PARD3: variants seen among roughly 807,000 people sequenced by gnomAD.
PARD3 encodes the protein par-3 family cell polarity regulator.
In PARD3, 75 loss-of-function variants were observed where a neutral mutation model predicts 155.4. The observed-to-expected ratio is 0.48, with a 90% CI of 0.40 to 0.58. PARD3 has a LOEUF of 0.58. Among genes scored for constraint, PARD3 ranks in the 20% least tolerant of loss-of-function variants. The pLI, the probability that PARD3 is intolerant of heterozygous loss-of-function variation, is 0.00. For missense variants in PARD3, 1,642 were observed against 1,721.7 expected (o/e 0.95, Z 0.82); for synonymous variants, 576 against 610.5 (o/e 0.94, Z 0.83).
intron 22 of PARD3, among the ~76,000 whole-genome samples, chr10:34,192,762 T>TG (rs1950769601): frequency 6.6e-6 from 1 of 152,176 alleles, no homozygotes; most frequent in East Asian, 1.9e-4. Flanking sequence ...ACTAGATGCC[T>TG]GTGATCTGTG....
intron 22 of PARD3, among the ~76,000 whole-genome samples, chr10:34,202,391 C>G (rs1951261329): frequency 6.6e-6 from 1 of 152,184 alleles, no homozygotes; most frequent in Admixed American, 6.5e-5. Context: ...TTAAAGACTT[C>G]TGAACATATT....
intron 1 of PARD3, among the ~76,000 whole-genome samples, chr10:34,805,116 G>A (rs544286254): frequency 4.5e-4 from 68 of 152,366 alleles, no homozygotes; most frequent in African/African-American, 1.5e-3. Flanking sequence ...CCAGCACTTT[G>A]CAAGGCTGAG....
intron 12 of PARD3, among the ~76,000 whole-genome samples, chr10:34,370,838 G>A (rs909083197): frequency 4.6e-5 from 7 of 151,274 alleles, no homozygotes; most frequent in Non-Finnish European, 7.4e-5. Flanking sequence ...GTGTGTGTGT[G>A]TGTGTGTGTA....
chr10:34,168,871 G>A (rs1415530212), intron 22 of PARD3, among the ~76,000 whole-genome samples: 8 of 152,190 alleles, frequency 5.3e-5, no homozygotes, highest in Non-Finnish European at 1.0e-4. Flanking sequence ...AGTAATTACT[G>A]ATGTTCCTGC....
At chr10:34,313,060 AAC>A (rs1235480734) in intron 20 of PARD3, among the ~76,000 whole-genome samples, 1 of 152,222 alleles carries the variant, frequency 6.6e-6, no homozygotes, top group East Asian at 1.9e-4. Flanking sequence ...ACACATTTAA[AAC>A]ATTAAAAAAC....
chr10:34,512,218 G>A (rs748523942), intron 3 of PARD3, among the ~76,000 whole-genome samples: 2 of 152,114 alleles, frequency 1.3e-5, no homozygotes, highest in African/African-American at 4.8e-5. Context: ...TGGATATCCC[G>A]TGAAACCACA....
chr10:34,467,271 C>T (rs996849543), intron 4 of PARD3, among the ~76,000 whole-genome samples: 10 of 150,616 alleles, frequency 6.6e-5, no homozygotes, highest in East Asian at 5.8e-4. Context: ...CCCTATTGTA[C>T]GAAAAATAAT....
At chr10:34,270,403 A>C (rs1294604861) in intron 21 of PARD3, among the ~76,000 whole-genome samples, 1 of 152,128 alleles carries the variant, frequency 6.6e-6, no homozygotes, top group East Asian at 1.9e-4. Flanking sequence ...TCAGCCTCCC[A>C]AAGTGCTGGG....
chr10:34,514,912 A>C (rs965367264), intron 3 of PARD3, among the ~76,000 whole-genome samples: 5 of 152,324 alleles, frequency 3.3e-5, no homozygotes, highest in African/African-American at 1.2e-4. Flanking sequence ...TTAAAGCTAC[A>C]AATTGCTTTA....
chr10:34,542,239 G>GTGTGTGCACGTGTGCA (rs1406115456), intron 2 of PARD3, among the ~76,000 whole-genome samples: 2 of 144,350 alleles, frequency 1.4e-5, no homozygotes, highest in South Asian at 4.6e-4. Flanking sequence ...GTGTGTGTGT[G>GTGTGTGCACGTGTGCA]CACACACACA....
chr10:34,760,762 T>C (rs75539707), intron 1 of PARD3, among the ~76,000 whole-genome samples: 15 of 151,946 alleles, frequency 9.9e-5, no homozygotes, highest in African/African-American at 3.4e-4. Context: ...TGGTGAGGAG[T>C]TGACACCTCC....
rs536092447 is a variant in PARD3, at chr10:34,525,046, A to G, written c.223-7887T>C. Among the ~76,000 whole-genome samples the G allele has an allele frequency of 2.6e-5, 4 of 152,340 alleles. No homozygotes were observed. In the South Asian group the frequency reaches 8.3e-4, roughly 32 times the overall value. Reference sequence around the variant, plus strand: ...ATACTAAATCCTTAATCATTCTCTGAGCCTTACTTGCTAGCATGGTTCATT... The same window carrying G: ...ATACTAAATCCTTAATCATTCTCTGGGCCTTACTTGCTAGCATGGTTCATT... On this transcript the variant is annotated intron_variant, in intron 2 of 24. Coordinates refer to ENST00000374788, the MANE Select transcript of PARD3 (RefSeq NM_001184785.2).
chr10:34,247,833 T>A (rs760210236), intron 22 of PARD3, among the ~76,000 whole-genome samples: 7 of 152,236 alleles, frequency 4.6e-5, no homozygotes, highest in Non-Finnish European at 1.0e-4. Flanking sequence ...AAAAGTACGG[T>A]CATCTTCCTT....
At chr10:34,646,357 T>A (rs1320834069) in intron 2 of PARD3, among the ~76,000 whole-genome samples, 2 of 152,174 alleles carry the variant, frequency 1.3e-5, no homozygotes, top group African/African-American at 4.8e-5. Flanking sequence ...TCCAAATAAT[T>A]TCCCAACTGC....
chr10:34,247,955 G>T (rs1954064606), intron 22 of PARD3, among the ~76,000 whole-genome samples: 2 of 152,138 alleles, frequency 1.3e-5, no homozygotes, highest in African/African-American at 4.8e-5. Flanking sequence ...GCTTTGTACT[G>T]ATAAGTAACT....
chr10:34,198,906 G>T (rs538902486), intron 22 of PARD3, among the ~76,000 whole-genome samples: 11 of 152,244 alleles, frequency 7.2e-5, no homozygotes, highest in Non-Finnish European at 1.3e-4. Context: ...AACAACGTCA[G>T]ACCAATCTGG....
In PARD3 at chr10:34,738,432, G is replaced by T. The variant is rs1343744596; in HGVS notation, c.121-42013C>A. On this transcript the variant is annotated intron_variant, in intron 1 of 24. Coordinates refer to ENST00000374788, the MANE Select transcript of PARD3 (RefSeq NM_001184785.2). ...CCTCAAGGGATCTTCTCGTCTTGGG[G>T]TCCCCCCAAAGTGCTGGGGTTATAG... Among the ~76,000 whole-genome samples the T allele has an allele frequency of 1.6e-4, 25 of 152,208 alleles. 1 individual carries two copies. Among genetic ancestry groups the T allele is most frequent in the Admixed American group, 1.6e-3 (25 of 15,282 alleles).
At chr10:34,563,184 G>C (rs1355962157) in intron 2 of PARD3, among the ~76,000 whole-genome samples, 1 of 151,944 alleles carries the variant, frequency 6.6e-6, no homozygotes, top group East Asian at 1.9e-4. Flanking sequence ...ACCATATTTT[G>C]TATCATCATT....
intron 22 of PARD3, among the ~76,000 whole-genome samples, chr10:34,158,327 C>T (rs1279064567): frequency 1.3e-5 from 2 of 152,226 alleles, no homozygotes; most frequent in Non-Finnish European, 2.9e-5. Flanking sequence ...ATTAAAGAAC[C>T]TAGAATCTTC....
Sources: gnomAD v4.1 joint callset for allele counts (sites outside exome capture counted in the v4.1 genomes callset) on GRCh38, gnomAD v4.1.1 for gene constraint, MANE v1.5 for transcripts, NCBI Gene and HGNC (gene_info 2026-07-23, HGNC 2026-07-21) for gene names.